Variants in ESR1 observed in about 807,000 individuals in gnomAD.
ESR1 encodes estrogen receptor 1.
Under a neutral mutation model 52.7 loss-of-function variants are expected in ESR1, and 12 were observed. The observed-to-expected ratio is 0.23, with a 90% confidence interval of 0.15 to 0.37. The LOEUF (loss-of-function observed/expected upper bound fraction) is 0.37, where lower values mean the gene tolerates loss of function less well. ESR1 is among the 10% of genes least tolerant of loss of function. ESR1 has a pLI of 1.00. For synonymous variants in ESR1, 305 were observed against 316.8 expected (o/e 0.96, Z 0.39); for missense variants, 584 against 779.7 (o/e 0.75, Z 2.99).
intron 5 of ESR1, among the ~76,000 whole-genome samples, chr6:152,056,992 G>A (rs902094941): frequency 6.6e-5 from 10 of 152,066 alleles, no homozygotes; most frequent in Admixed American, 4.6e-4. Context: ...TTCTGATGCC[G>A]TTGATCCATC....
chr6:152,098,673 G>C lies in ESR1; in HGVS notation c.1554-59G>C. On this transcript the variant is annotated intron_variant, in intron 7 of 7. Coordinates refer to ENST00000206249, the MANE Select transcript of ESR1 (RefSeq NM_000125.4). This position sits in a 1 kb window ranked among gnomAD's most constrained non-coding sequence, Gnocchi z 5.1. Reference sequence around the variant, plus strand: ...CTTCCTTCCCCTTCTAGGGATTTCAGCACTCCTGGGGCTCGGGTTGGCTCT... The same window carrying C: ...CTTCCTTCCCCTTCTAGGGATTTCACCACTCCTGGGGCTCGGGTTGGCTCT... The C allele has an allele frequency of 7.2e-7, 1 of 1,383,698 alleles. No homozygotes were observed. The highest frequency in any genetic ancestry group is 1.0e-6 in the Non-Finnish European group (1 of 980,126). 85.7% of individuals were successfully genotyped at this position (1,383,698 alleles called of 1,614,324 possible). A position where few individuals can be genotyped will look rare whatever the true frequency, so the allele number is the denominator to read the frequency against.
chr6:152,101,433 A>G lies in ESR1; in HGVS notation c.*2467A>G. 1 of 233,092 alleles carries G rather than the reference A, an allele frequency of 4.3e-6. No homozygotes were observed. The highest frequency in any genetic ancestry group is 8.5e-6 in the Non-Finnish European group (1 of 117,770). The allele number at this position is 233,092 out of a possible 1,614,324, so 14.4% of individuals were successfully genotyped here. On this transcript the variant is annotated 3_prime_UTR_variant, in exon 8 of 8. Transcript: ENST00000206249. ...TAATACCAGCTAAAGCCAAACAATT[A>G]TACAGTGGAAGGTTTTACATTATTC...
intron 1 of ESR1, among the ~76,000 whole-genome samples, chr6:151,698,355 A>G (rs959450248): frequency 1.3e-5 from 2 of 151,952 alleles, no homozygotes; most frequent in Non-Finnish European, 2.9e-5. Context: ...CCTGGGCAAC[A>G]GAGCAAGATC....
intron 1 of ESR1, among the ~76,000 whole-genome samples, chr6:151,691,532 G>A (rs972286542): frequency 6.6e-6 from 1 of 152,186 alleles, no homozygotes; most frequent in Admixed American, 6.5e-5. Flanking sequence ...TCGATAGAAG[G>A]GTTGGGCTTA....
chr6:151,757,308 C>T (rs375178440), intron 2 of ESR1, among the ~76,000 whole-genome samples: 2 of 152,234 alleles, frequency 1.3e-5, no homozygotes, highest in African/African-American at 4.8e-5. Flanking sequence ...TTAGAAGACT[C>T]TCAGTTTTAT....
intron 3 of ESR1, among the ~76,000 whole-genome samples, chr6:151,904,320 T>C (rs1562532085): frequency 6.6e-6 from 1 of 152,214 alleles, no homozygotes. Flanking sequence ...TATTGAGATA[T>C]TTTAGTGGTA....
At chr6:151,966,394 T>C (rs1190910218) in intron 4 of ESR1, among the ~76,000 whole-genome samples, 2 of 152,172 alleles carry the variant, frequency 1.3e-5, no homozygotes, top group East Asian at 3.9e-4. Context: ...AGGTCCTCAA[T>C]AGGCTTTTTA....
intron 4 of ESR1, among the ~76,000 whole-genome samples, chr6:151,956,328 C>T (rs1162034689): frequency 6.6e-6 from 1 of 152,172 alleles, no homozygotes. Context: ...ACAAAATTGA[C>T]CAGATCTCTG....
chr6:152,088,673 ACCCCGCAGAGT>A (rs1489790980), intron 6 of ESR1, among the ~76,000 whole-genome samples: 1 of 152,108 alleles, frequency 6.6e-6, no homozygotes, highest in Non-Finnish European at 1.5e-5. Context: ...CCATCTCGGG[ACCCCGCAGAGT>A]CCCCAGCAGA....
At chr6:151,809,193 T>C in intron 1 of ESR1, 1 of 459,656 alleles carries the variant, frequency 2.2e-6, no homozygotes, top group African/African-American at 2.0e-5. Context: ...TCAGCCAGGG[T>C]CTGCGCCTCG....
intron 5 of ESR1, among the ~76,000 whole-genome samples, chr6:152,021,409 A>G (rs540857112): frequency 6.6e-6 from 1 of 152,228 alleles, no homozygotes; most frequent in South Asian, 2.1e-4. Context: ...ACTCCCCTTT[A>G]TATATATCCT....
intron 2 of ESR1, among the ~76,000 whole-genome samples, chr6:151,731,376 A>G (rs1217801787): frequency 1.3e-5 from 2 of 151,476 alleles, no homozygotes; most frequent in Admixed American, 6.6e-5. Context: ...AAAAAAAGAA[A>G]TGTGGGGGCA....
chr6:151,723,634 C>T (rs1357884619), intron 2 of ESR1, among the ~76,000 whole-genome samples: 1 of 152,094 alleles, frequency 6.6e-6, no homozygotes, highest in Non-Finnish European at 1.5e-5. Context: ...TTTGGGAGGC[C>T]GAGGTGGTCG....
chr6:152,038,247 T>C (rs891933935), intron 5 of ESR1, among the ~76,000 whole-genome samples: 7 of 152,364 alleles, frequency 4.6e-5, no homozygotes, highest in African/African-American at 1.7e-4. Flanking sequence ...CACGTTCCTC[T>C]GCCTGCTTTT....
intron 2 of ESR1, among the ~76,000 whole-genome samples, chr6:151,728,426 CAAAAG>C (rs767319636): frequency 6.6e-6 from 1 of 152,126 alleles, no homozygotes; most frequent in Non-Finnish European, 1.5e-5. Flanking sequence ...AGTTTTTCAT[CAAAAG>C]AAAACACTGA....
intron 2 of ESR1, among the ~76,000 whole-genome samples, chr6:151,753,319 A>ATT (rs34402963): frequency 5.2e-4 from 71 of 137,370 alleles, no homozygotes; most frequent in African/African-American, 1.6e-3. Context: ...ATTTGATTGC[A>ATT]TTTTTTTTTT....
chr6:151,764,353 T>A (rs1245027210), intron 2 of ESR1, among the ~76,000 whole-genome samples: 1 of 152,058 alleles, frequency 6.6e-6, no homozygotes, highest in Non-Finnish European at 1.5e-5. Context: ...GGAGATAGGA[T>A]TTTTATGTTA....
At chr6:152,075,451 T>C (rs3798576) in intron 6 of ESR1, among the ~76,000 whole-genome samples, 31,218 of 148,978 alleles carry the variant, frequency 0.21, 4,415 homozygotes, top group African/African-American at 0.42. Flanking sequence ...TCATGTGACA[T>C]TTTTTCAATA....
chr6:151,880,752 A>G lies in ESR1; in HGVS notation c.741A>G (p.Glu247=). 6.3e-7 allele frequency: 1 copy of G among 1,596,038 alleles called. No homozygotes were observed. ...CQACRLRKCY[E]VGMMKGGIRK... ...CCTGCCGGCTCCGTAAATGCTACGA[A>G]GTGGGAATGATGAAAGGTGGTAGGT... Residue 247 remains glutamate, a synonymous_variant, in exon 3 of 8, where the codon GAA becomes GAG. Transcript: ENST00000206249.
Sources: gnomAD v4.1 joint callset for allele counts (sites outside exome capture counted in the v4.1 genomes callset) on GRCh38, gnomAD v4.1.1 for gene constraint, Gnocchi (gnomAD v3.1) non-coding constraint, MANE v1.5 for transcripts, NCBI Gene and HGNC (gene_info 2026-07-23, HGNC 2026-07-21) for gene names.